The following PCLO variants were observed in gnomAD, a reference collection of about 807,000 sequenced individuals.
PCLO encodes the protein protein piccolo.
A neutral mutation model predicts 427.5 loss-of-function variants in PCLO; 82 were observed. The ratio of observed to expected loss-of-function variants is 0.19; its 90% confidence interval spans 0.16 to 0.23. The LOEUF (loss-of-function observed/expected upper bound fraction) is 0.23. Ranked by LOEUF, PCLO falls within the 10% of genes least tolerant of loss-of-function variation. The probability of loss-of-function intolerance (pLI) is 1.00; values close to 1 mark genes in which losing one functional copy is unlikely to be tolerated. For missense variants in PCLO, 6,239 were observed against 6,115.9 expected, an observed-to-expected ratio of 1.02 and a Z score of -0.67; for synonymous variants, 2,357 against 2,155.4, an observed-to-expected ratio of 1.09 and a Z score of -2.59.
chr7:82,951,645 T>C (rs1282562653), intron 5 of PCLO, among the ~76,000 whole-genome samples, 155 bp from the exon 6 acceptor site: 1 of 146,758 alleles, frequency 6.8e-6, no homozygotes, highest in African/African-American at 2.8e-5. Flanking sequence ...ATGTTGAACA[T>C]GCAGGCGCAT....
chr7:83,139,871 T>C (rs1301182369), intron 2 of PCLO, among the ~76,000 whole-genome samples: 1 of 152,216 alleles, frequency 6.6e-6, no homozygotes, highest in Non-Finnish European at 1.5e-5. Flanking sequence ...TTTATTTAAT[T>C]ATACTGGCCA....
chr7:82,761,483 C>T lies in PCLO; in HGVS notation c.15018G>A (p.Gln5006=), dbSNP rs1196575058. Residue 5006 remains glutamine (Q), a synonymous_variant, in exon 23 of 25, where the codon CAG becomes CAA. Coordinates refer to ENST00000333891, the MANE Select transcript of PCLO (RefSeq NM_033026.6). ...VGLADTEAKT[Q]VMGEIKIALK... The stretch of plus-strand genomic sequence containing the variant: ...ATGCAATCTTGATTTCTCCCATTAC[C>T]TGAGTTTTAGCTGGGAGAATTTAAT... 2 of 1,597,114 alleles carry T rather than the reference C, an allele frequency of 1.3e-6. No homozygotes were observed. Among genetic ancestry groups the T allele is most frequent in the Non-Finnish European group, 1.7e-6 (2 of 1,172,232 alleles).
At chr7:83,082,749 T>C (rs1461128479) in intron 3 of PCLO, among the ~76,000 whole-genome samples, 2 of 151,860 alleles carry the variant, frequency 1.3e-5, no homozygotes, top group African/African-American at 4.8e-5. Context: ...AAATACAGCA[T>C]GTACCACCCC....
chr7:83,162,322 C>CATAT, intron 1 of PCLO, 23 bp downstream of exon 1: 2 of 1,583,540 alleles, frequency 1.3e-6, no homozygotes, highest in Non-Finnish European at 1.7e-6. Context: ...TATGCCCGGA[C>CATAT]ATATACATCA....
chr7:82,973,996 A>G (rs1795962679), intron 3 of PCLO, among the ~76,000 whole-genome samples: 1 of 152,232 alleles, frequency 6.6e-6, no homozygotes, highest in African/African-American at 2.4e-5. Context: ...TAAATAACAC[A>G]TAAATGAAAA....
chr7:82,796,576 A>G (rs1413182184), intron 22 of PCLO, among the ~76,000 whole-genome samples: 1 of 151,866 alleles, frequency 6.6e-6, no homozygotes, highest in Middle Eastern at 3.2e-3. Context: ...CATCACTTCT[A>G]CAGATGCTGC....
At chr7:82,980,729 T>TGGCAGC (rs1433560314) in intron 3 of PCLO, among the ~76,000 whole-genome samples, 4 of 152,060 alleles carry the variant, frequency 2.6e-5, no homozygotes, top group Non-Finnish European at 5.9e-5. Flanking sequence ...TAGATGACTA[T>TGGCAGC]GGCAGCAGCA....
At chr7:83,001,473 T>C (rs1462829464) in intron 3 of PCLO, among the ~76,000 whole-genome samples, 2 of 150,470 alleles carry the variant, frequency 1.3e-5, no homozygotes, top group Non-Finnish European at 3.0e-5. Flanking sequence ...AAGGCTGTGC[T>C]GAAGAGCTTT....
intron 3 of PCLO, among the ~76,000 whole-genome samples, chr7:83,000,173 C>G (rs1280630690): frequency 1.3e-5 from 2 of 150,984 alleles, no homozygotes; most frequent in African/African-American, 4.8e-5. Context: ...CAGGGAAACA[C>G]CTTACTTACA....
intron 3 of PCLO, among the ~76,000 whole-genome samples, chr7:83,025,578 C>A (rs1027120739): frequency 6.6e-6 from 1 of 152,076 alleles, no homozygotes; most frequent in East Asian, 1.9e-4. Flanking sequence ...GGCAGGCCAC[C>A]GTTCAGATTC....
intron 13 of PCLO, among the ~76,000 whole-genome samples, chr7:82,844,529 G>A (rs1174188014): frequency 2.0e-5 from 3 of 152,028 alleles, no homozygotes; most frequent in Non-Finnish European, 4.4e-5. Flanking sequence ...TATACAGCCT[G>A]TCCTTCCCAT....
At position 82,879,420 on chromosome 7, in the gene PCLO, G is replaced by A. The variant is rs181317757; in HGVS notation, c.13571C>T (p.Pro4524Leu). ...GIRIVGGKEI[P>L]GHSGEIGAYI... ...GGCTCCAATTTCTCCACTATGTCCC[G>A]GGATTTCTTTACCACCCACAATTCT... The change falls in exon 10 of 25, where the codon CCG (proline) becomes CTG (leucine). Residue 4524 changes from proline to leucine, a missense_variant. By Grantham distance (98) the Pro-to-Leu change is moderately conservative. This residue lies in a region of PCLO where 877 missense variants were observed against 925.5 expected (regional missense o/e 0.95). Transcript: ENST00000333891. 242 of 1,607,630 alleles carry A rather than the reference G, an allele frequency of 1.5e-4. 1 individual carries two copies. In the African/African-American group the frequency reaches 2.8e-3, roughly 18 times the overall value.
intron 10 of PCLO, among the ~76,000 whole-genome samples, chr7:82,852,681 C>G (rs146788356): frequency 6.6e-6 from 1 of 151,988 alleles, no homozygotes. Flanking sequence ...ATATTGTGAT[C>G]GTGAGTCAAT....
At chr7:82,854,409 A>C (rs1366948428) in intron 10 of PCLO, among the ~76,000 whole-genome samples, 1 of 152,108 alleles carries the variant, frequency 6.6e-6, no homozygotes, top group Non-Finnish European at 1.5e-5. Flanking sequence ...TCATACACTT[A>C]AAAAACATGT....
Position 82,999,799 on chromosome 7 carries a change from A to G in PCLO, c.3301-33312T>C, listed in dbSNP as rs28869903. Among the ~76,000 whole-genome samples, 48 of 14,550 alleles carry G rather than the reference A, an allele frequency of 3.3e-3. 15 individuals carry two copies. Among genetic ancestry groups the G allele is most frequent in the African/African-American group, 0.029 (35 of 1,224 alleles). The allele number at this position is 14,550 out of a possible 152,430, so 9.5% of individuals were successfully genotyped here. A position where few individuals can be genotyped will look rare whatever the true frequency, so the allele number is the denominator to read the frequency against. On this transcript the variant is annotated intron_variant, in intron 3 of 24. Coordinates refer to ENST00000333891, the MANE Select transcript of PCLO (RefSeq NM_033026.6). ...TAATATTATATATAAAATATAATAT[A>G]TAATATTATATATAAAATATAATAT...
At chr7:82,821,450 G>GTTA in intron 20 of PCLO, 1 of 985,420 alleles carries the variant, frequency 1.0e-6, no homozygotes, top group Non-Finnish European at 1.2e-6. Context: ...GCACTAAAGG[G>GTTA]GTTTAAAACT....
chr7:83,093,472 G>GTGTGTGTGTATATATATA lies in PCLO; in HGVS notation c.3300+40777_3300+40778insTATATATATACACACACA, dbSNP rs745824155. ...ACCACAAACATATATATGTGTGTGTGTATAGATATATATATATATATTTTT... is the reference window on the plus strand; with the variant it reads ...ACCACAAACATATATATGTGTGTGTGTGTGTGTGTATATATATATATAGATATATATATATATATTTTT... On this transcript the variant is annotated intron_variant, in intron 3 of 24. Coordinates refer to ENST00000333891, the MANE Select transcript of PCLO (RefSeq NM_033026.6). Among the ~76,000 whole-genome samples, 183 of 99,030 alleles carry GTGTGTGTGTATATATATA rather than the reference G, an allele frequency of 1.8e-3. 18 individuals are homozygous for GTGTGTGTGTATATATATA. The highest frequency in any genetic ancestry group is 5.4e-3 in the East Asian group (14 of 2,570). 65.0% of individuals were successfully genotyped at this position (99,030 alleles called of 152,430 possible). A position where few individuals can be genotyped will look rare whatever the true frequency, so the allele number is the denominator to read the frequency against.
In PCLO at chr7:82,892,804, A is replaced by C. The variant is rs1177708340; in HGVS notation, c.13528+9847T>G. Among the ~76,000 whole-genome samples, 1,055 of 151,836 alleles carry C rather than the reference A, an allele frequency of 6.9e-3. 12 individuals are homozygous for C. Among genetic ancestry groups the C allele is most frequent in the African/African-American group, 0.023 (952 of 41,224 alleles). On this transcript the variant is annotated intron_variant, in intron 9 of 24. Coordinates refer to ENST00000333891, the MANE Select transcript of PCLO (RefSeq NM_033026.6). ...TTCTCAAAAGAAGACATTTATGCAG[A>C]CAAAAGACACATGAAAAAATGCTCA...
intron 3 of PCLO, among the ~76,000 whole-genome samples, chr7:83,046,387 C>G (rs556061329): frequency 8.6e-5 from 13 of 152,006 alleles, no homozygotes; most frequent in African/African-American, 2.9e-4. Context: ...ATATATTTAC[C>G]ATGTTGTTTC....
Sources: gnomAD v4.1 joint callset for allele counts (sites outside exome capture counted in the v4.1 genomes callset) on GRCh38, gnomAD v4.1.1 for gene constraint, gnomAD v4.1.1 regional missense constraint, MANE v1.5 for transcripts, NCBI Gene and HGNC (gene_info 2026-07-23, HGNC 2026-07-21) for gene names.